Variants in TMEM268 observed in about 807,000 individuals in gnomAD.
The protein encoded by TMEM268 is transmembrane protein C9orf91.
In TMEM268, 24 loss-of-function variants were observed where a neutral mutation model predicts 39.1. That is an observed-to-expected ratio of 0.61 (90% CI 0.44 to 0.86). The LOEUF is 0.86. TMEM268 is among the 40% of genes least tolerant of loss of function. TMEM268 has a pLI of 0.00. For missense variants in TMEM268, 409 were observed against 428.6 expected (o/e 0.95, Z 0.40); for synonymous variants, 176 against 173.5 (o/e 1.01, Z -0.12).
At chr9:114,627,426 A>C (rs908058934) in intron 4 of TMEM268, among the ~76,000 whole-genome samples, 1 of 152,206 alleles carries the variant, frequency 6.6e-6, no homozygotes, top group African/African-American at 2.4e-5. Context: ...TATATATAAA[A>C]TATATGTATA....
upstream of TMEM268, among the ~76,000 whole-genome samples, chr9:114,607,709 T>C (rs1845385518): frequency 6.6e-6 from 1 of 151,726 alleles, no homozygotes; most frequent in South Asian, 2.1e-4. Context: ...ACTATGAGAA[T>C]GAACTATGAG....
chr9:114,643,233 T>C lies in TMEM268; in HGVS notation c.949T>C (p.Ser317Pro). ...PQAMGTRHTN[S>P]PRIPCPCQLI... ...GGCAATGGGGACACGACACACGAAC[T>C]CTCCGAGAATTCCATGCCCCTGCCA... The change falls in exon 9 of 9, where the codon TCT becomes CCT. Residue 317 changes from serine to proline, a missense_variant. Coordinates refer to ENST00000288502, the MANE Select transcript of TMEM268 (RefSeq NM_153045.4). 6.2e-7 allele frequency: 1 copy of C among 1,614,078 alleles called. No individual in the cohort carries two copies. Among genetic ancestry groups the C allele is most frequent in the East Asian group, 2.2e-5 (1 of 44,882 alleles).
upstream of TMEM268, among the ~76,000 whole-genome samples, chr9:114,610,165 G>A (rs1845442508): frequency 6.6e-6 from 1 of 151,820 alleles, no homozygotes; most frequent in Non-Finnish European, 1.5e-5. Flanking sequence ...TCAGTCTCCC[G>A]AGTAGCTGGG....
Position 114,644,128 on chromosome 9 carries a change from C to T in TMEM268, c.*815C>T, listed in dbSNP as rs1201323321. On this transcript the variant is annotated 3_prime_UTR_variant, in exon 9 of 9. Coordinates refer to ENST00000288502, the MANE Select transcript of TMEM268 (RefSeq NM_153045.4). ...TGTCCTGGAATGAAGTGTGATCAGC[C>T]ACTTGTGGAATTCTTTGAAGAGCTC... 6.6e-6 allele frequency: 1 copy of T among 152,330 alleles called. No individual in the cohort carries two copies. Among genetic ancestry groups the T allele is most frequent in the Admixed American group, 6.5e-5 (1 of 15,284 alleles). 9.4% of individuals were successfully genotyped at this position (152,330 alleles called of 1,614,324 possible).
intron 8 of TMEM268, among the ~76,000 whole-genome samples, chr9:114,641,172 G>A (rs966227081): frequency 3.3e-5 from 5 of 151,974 alleles, no homozygotes; most frequent in Non-Finnish European, 5.9e-5. Context: ...CACCGCGCCC[G>A]GCCTCTATTA....
At chr9:114,642,309 A>T (rs1171647647) in intron 8 of TMEM268, among the ~76,000 whole-genome samples, 2 of 152,270 alleles carry the variant, frequency 1.3e-5, no homozygotes, top group Non-Finnish European at 2.9e-5. Context: ...CTTTTGTGAT[A>T]AACCTAATTT....
chr9:114,621,508 A>G (rs1845945296), intron 2 of TMEM268, among the ~76,000 whole-genome samples: 1 of 152,216 alleles, frequency 6.6e-6, no homozygotes, highest in Non-Finnish European at 1.5e-5. Flanking sequence ...ATTTTATTCA[A>G]GTAATTTCAT....
rs183803097 is a variant in TMEM268 at position 114,619,029 on chromosome 9, G to A, written c.106+1728G>A. Among the ~76,000 whole-genome samples, 367 of 152,294 alleles carry A rather than the reference G, an allele frequency of 2.4e-3. 2 individuals carry two copies. The highest frequency in any genetic ancestry group is 8.4e-3 in the African/African-American group (351 of 41,548). On this transcript the variant is annotated intron_variant, in intron 2 of 8. Transcript: ENST00000288502. ...AGCATCCAGAATTGTGGGGGCCCAC[G>A]GGAATGTGGAGGGTTTTTTAGAGGC...
chr9:114,622,450 AAGG>A (rs1845982401), intron 2 of TMEM268: 22 of 985,274 alleles, frequency 2.2e-5, no homozygotes, highest in Non-Finnish European at 2.5e-5. Flanking sequence ...ACTGTGGTGC[AAGG>A]AGATCTCGAT....
Position 114,645,436 on chromosome 9 carries a change from A to G in TMEM268, c.*2123A>G, listed in dbSNP as rs1422607023. 3 of 152,386 alleles carry G rather than the reference A, an allele frequency of 2.0e-5. No homozygotes were observed. The highest frequency in any genetic ancestry group is 7.2e-5 in the African/African-American group (3 of 41,468). The allele number at this position is 152,386 out of a possible 1,614,324, so 9.4% of individuals were successfully genotyped here. On this transcript the variant is annotated 3_prime_UTR_variant, in exon 9 of 9. Transcript: ENST00000288502. ...TGCCATTCAAGAGATGAGTCTGACC[A>G]TTCACTTTCTGTGTGCCAGAGAAGA...
rs772600795 is a variant in TMEM268, at chr9:114,634,159, C to T, written c.585+281C>T. ...GCTCACCTGGCATTTATTCAGCAGA[C>T]GGAGCCTCCTCTGTGCTGTGCCCTC... On this transcript the variant is annotated intron_variant, in intron 6 of 8. Coordinates refer to ENST00000288502, the MANE Select transcript of TMEM268 (RefSeq NM_153045.4). Among the ~76,000 whole-genome samples the T allele has an allele frequency of 1.6e-4, 24 of 152,292 alleles. No homozygotes were observed. In the Middle Eastern group the frequency reaches 0.01, roughly 65 times the overall value.
At chr9:114,605,193 C>G in the TMEM268 span, among the ~76,000 whole-genome samples, 2 of 152,196 alleles carry the variant, frequency 1.3e-5, no homozygotes, top group South Asian at 4.1e-4. Flanking sequence ...TGTTTTTCCA[C>G]CTGTTTAATT....
At chr9:114,639,050 T>G (rs1846773703) in intron 8 of TMEM268, among the ~76,000 whole-genome samples, 1 of 152,178 alleles carries the variant, frequency 6.6e-6, no homozygotes, top group Non-Finnish European at 1.5e-5. Flanking sequence ...TGATGAACAT[T>G]TGGGTCTCAG....
At chr9:114,605,858 G>A in the TMEM268 span, among the ~76,000 whole-genome samples, 1 of 152,030 alleles carries the variant, frequency 6.6e-6, no homozygotes, top group Non-Finnish European at 1.5e-5. Flanking sequence ...TTGAACCTGG[G>A]ATGCAGAGGT....
chr9:114,622,431 G>A, intron 2 of TMEM268: 4 of 985,324 alleles, frequency 4.1e-6, no homozygotes, highest in Non-Finnish European at 4.8e-6. Context: ...GTGGCTCACA[G>A]GGCCTTGTAC....
At chr9:114,627,069 G>A (rs777042057) in intron 4 of TMEM268, 63 bp downstream of exon 4, 4 of 1,224,982 alleles carry the variant, frequency 3.3e-6, no homozygotes, top group Non-Finnish European at 4.8e-6. Context: ...ACCAAATTCA[G>A]CACCGTGTCT....
At chr9:114,615,880 C>T (rs1304098072) in intron 1 of TMEM268, among the ~76,000 whole-genome samples, 7 of 151,378 alleles carry the variant, frequency 4.6e-5, no homozygotes, top group Non-Finnish European at 7.4e-5. Context: ...TTAGGAGAGA[C>T]GGGGTTTTGC....
At position 114,628,204 on chromosome 9, in the gene TMEM268, G is replaced by C. The variant is rs1322309452; in HGVS notation, c.428G>C (p.Ser143Thr). 1 of 1,614,190 alleles carries C rather than the reference G, an allele frequency of 6.2e-7. No individual in the cohort carries two copies. Among genetic ancestry groups the C allele is most frequent in the Non-Finnish European group, 8.5e-7 (1 of 1,180,038 alleles). ...GMLLVTLAAV[S>T]LTLTLVLVFE... Reference sequence around the variant, plus strand: ...CTGCTCGTGACCCTGGCCGCGGTGAGCCTGACCTTGACTCTTGTGCTGGTC... The same window carrying C: ...CTGCTCGTGACCCTGGCCGCGGTGACCCTGACCTTGACTCTTGTGCTGGTC... Residue 143 changes from serine (S) to threonine (T), a missense_variant, in exon 5 of 9, where the codon AGC becomes ACC. By Grantham distance (58) the Ser-to-Thr change is moderately conservative. Transcript: ENST00000288502.
chr9:114,614,982 T>C (rs1845646369), intron 1 of TMEM268, among the ~76,000 whole-genome samples: 1 of 151,156 alleles, frequency 6.6e-6, no homozygotes, highest in African/African-American at 2.4e-5. Context: ...CTGCAGTCTC[T>C]GCCTCCCGGG....
Sources: gnomAD v4.1 joint callset for allele counts (sites outside exome capture counted in the v4.1 genomes callset) on GRCh38, gnomAD v4.1.1 for gene constraint, MANE v1.5 for transcripts, NCBI Gene and HGNC (gene_info 2026-07-23, HGNC 2026-07-21) for gene names.